Variants in CD8B2 observed in about 807,000 individuals in gnomAD.
The protein encoded by CD8B2 is CD8B family member 2.
A neutral mutation model predicts 23.7 loss-of-function variants in CD8B2; 11 were observed. The observed-to-expected ratio is 0.46, with a 90% confidence interval of 0.29 to 0.77. The LOEUF is 0.77. CD8B2 is among the 30% of genes least tolerant of loss of function. The pLI is 0.09. For synonymous variants in CD8B2, 90 were observed against 109.3 expected, an observed-to-expected ratio of 0.82 and a Z score of 1.10; for missense variants, 197 against 270.5, an observed-to-expected ratio of 0.73 and a Z score of 1.91.
chr2:106,516,009 T>C (rs1456631742), downstream of CD8B2, among the ~76,000 whole-genome samples: 1 of 152,036 alleles, frequency 6.6e-6, no homozygotes, highest in Non-Finnish European at 1.5e-5. Context: ...TTTGTATTTT[T>C]GGTAGAGTCG....
At chr2:106,523,106 G>C (rs914998120) in intron 5 of CD8B2, among the ~76,000 whole-genome samples, 11 of 152,172 alleles carry the variant, frequency 7.2e-5, no homozygotes, top group Non-Finnish European at 1.5e-4. Context: ...CTCAAGGTGA[G>C]CTCAAATATG....
chr2:106,531,150 C>T (rs1294087928), intron 5 of CD8B2, among the ~76,000 whole-genome samples: 7 of 152,176 alleles, frequency 4.6e-5, no homozygotes, highest in Non-Finnish European at 7.3e-5. Context: ...AATCAGGACC[C>T]CTTTCCTGTA....
At chr2:106,534,830 T>TTTGC (rs932345502) in intron 5 of CD8B2, among the ~76,000 whole-genome samples, 1 of 151,768 alleles carries the variant, frequency 6.6e-6, no homozygotes, top group African/African-American at 2.4e-5. Flanking sequence ...CTAATGTTTG[T>TTTGC]TTGTTTGAAA....
rs376225504 is a variant in CD8B2 at position 106,537,138 on chromosome 2, G to A, written c.621-6854G>A. ...GATGTGGGAGAGGAAGACAGGACAT[G>A]TGAATATGGTGCTAACCAGGCCTCA... On this transcript the variant is annotated intron_variant, in intron 5 of 5. Transcript: ENST00000416057. Among the ~76,000 whole-genome samples the A allele has an allele frequency of 2.6e-5, 4 of 152,312 alleles. No individual in the cohort carries two copies. In the South Asian group the frequency reaches 8.3e-4, roughly 32 times the overall value.
chr2:106,523,814 G>C (rs186953377), intron 5 of CD8B2, among the ~76,000 whole-genome samples: 1 of 152,258 alleles, frequency 6.6e-6, no homozygotes, highest in Non-Finnish European at 1.5e-5. Context: ...AGCTGCAAGG[G>C]GGAAGGAATG....
chr2:106,540,436 G>T (rs1197035272), intron 5 of CD8B2, among the ~76,000 whole-genome samples: 3 of 152,174 alleles, frequency 2.0e-5, no homozygotes, highest in Non-Finnish European at 4.4e-5. Flanking sequence ...GAAGTCAACT[G>T]GCAGTACCAC....
At chr2:106,526,107 C>T (rs546830575) in intron 5 of CD8B2, among the ~76,000 whole-genome samples, 25 of 152,106 alleles carry the variant, frequency 1.6e-4, no homozygotes, top group African/African-American at 4.1e-4. Context: ...CCACGTGTGG[C>T]GGCATGCATC....
At chr2:106,506,064 G>A (rs1320452530) in intron 5 of CD8B2, among the ~76,000 whole-genome samples, 2 of 152,108 alleles carry the variant, frequency 1.3e-5, no homozygotes, top group Non-Finnish European at 2.9e-5. Flanking sequence ...GAACCCCGGA[G>A]GCAGAGGTTG....
intron 2 of CD8B2, among the ~76,000 whole-genome samples, chr2:106,494,020 G>A (rs1209972394): frequency 6.6e-6 from 1 of 152,154 alleles, no homozygotes; most frequent in Admixed American, 6.6e-5. Flanking sequence ...CAAACAGATC[G>A]TGTTCTCTCC....
At chr2:106,543,450 G>T (rs1680208086) in intron 5 of CD8B2, among the ~76,000 whole-genome samples, 1 of 152,170 alleles carries the variant, frequency 6.6e-6, no homozygotes, top group South Asian at 2.1e-4. Flanking sequence ...AGGATTGCTT[G>T]AACCCGGAAG....
rs1303236783 is a variant in CD8B2, at chr2:106,491,030, A to G, written c.200A>G (p.His67Arg). 5 of 1,613,856 alleles carry G rather than the reference A, an allele frequency of 3.1e-6. No homozygotes were observed. In the African/African-American group the frequency reaches 6.7e-5, roughly 22 times the overall value. Reference protein sequence around the residue: ...QRQAPSSDSHHEFLTLWDSAK... With the variant: ...QRQAPSSDSHREFLTLWDSAK... ...CAGGCCCCGAGCAGTGATAGTCACC[A>G]CGAGTTCCTGACCCTCTGGGATTCC... The change falls in exon 2 of 6, where the codon CAC becomes CGC. Residue 67 changes from histidine to arginine, a missense_variant. His to Arg is a conservative substitution (Grantham distance 29). This residue lies in a region of CD8B2 where 140 missense variants were observed against 164.2 expected (regional missense o/e 0.85). Transcript: ENST00000643224.
intron 3 of CD8B2, among the ~76,000 whole-genome samples, chr2:106,498,152 C>CT (rs59508147): frequency 0.26 from 37,503 of 145,356 alleles, 4,970 homozygotes; most frequent in African/African-American, 0.3. Flanking sequence ...TTCTTTCTTT[C>CT]TTTTTTTTTT....
At chr2:106,500,971 T>G (rs1679394093) in intron 3 of CD8B2, among the ~76,000 whole-genome samples, 1 of 152,224 alleles carries the variant, frequency 6.6e-6, no homozygotes, top group Non-Finnish European at 1.5e-5. Flanking sequence ...CCCACTTGAC[T>G]GGCAAAAACT....
chr2:106,498,552 C>T (rs1679342824), intron 3 of CD8B2, among the ~76,000 whole-genome samples: 1 of 152,084 alleles, frequency 6.6e-6, no homozygotes, highest in South Asian at 2.1e-4. Flanking sequence ...TGAAGGTGAC[C>T]TAGTGGAGTA....
At position 106,487,487 on chromosome 2, in the gene CD8B2, G is replaced by A; in HGVS notation, c.43+18G>A. 8.1e-7 allele frequency: 1 copy of A among 1,238,898 alleles called. No homozygotes were observed. Among genetic ancestry groups the A allele is most frequent in the South Asian group, 3.7e-5 (1 of 27,232 alleles). 76.7% of individuals were successfully genotyped at this position (1,238,898 alleles called of 1,614,324 possible). A position where few individuals can be genotyped will look rare whatever the true frequency, so the allele number is the denominator to read the frequency against. On this transcript the variant is annotated intron_variant, in intron 1 of 5. Transcript: ENST00000643224. ...GCTGACAGGTAAGGCGGCGGCGCGCGGGCTGCCCAAGGTCTGCGCTCCCGG... is the reference window on the plus strand; with the variant it reads ...GCTGACAGGTAAGGCGGCGGCGCGCAGGCTGCCCAAGGTCTGCGCTCCCGG...
At chr2:106,538,332 A>T (rs1680121071) in intron 5 of CD8B2, among the ~76,000 whole-genome samples, 1 of 152,232 alleles carries the variant, frequency 6.6e-6, no homozygotes, top group Admixed American at 6.5e-5. Context: ...CTATGTATAC[A>T]TGAAGAATAT....
At chr2:106,528,404 G>A (rs1679945014) in intron 5 of CD8B2, among the ~76,000 whole-genome samples, 1 of 151,988 alleles carries the variant, frequency 6.6e-6, no homozygotes, top group African/African-American at 2.4e-5. Flanking sequence ...AACTCATACA[G>A]TTAGTTCTAT....
chr2:106,490,905 C>A lies in CD8B2; in HGVS notation c.75C>A (p.Thr25=). 1.3e-6 allele frequency: 2 copies of A among 1,599,056 alleles called. No homozygotes were observed. The highest frequency in any genetic ancestry group is 1.1e-5 in the South Asian group (1 of 87,292). Residue 25 remains threonine (T), a synonymous_variant, in exon 2 of 6, where the codon ACC becomes ACA. Transcript: ENST00000643224. The part of the protein sequence containing the change: ...VLHGNSVLQQ[T]PAYIKVQTNK... ...ATGGCAACTCAGTCCTCCAGCAGAC[C>A]CCTGCATACATAAAGGTGCAAACCA...
intron 5 of CD8B2, among the ~76,000 whole-genome samples, chr2:106,504,536 T>C (rs945650561): frequency 1.4e-4 from 21 of 151,912 alleles, no homozygotes. Flanking sequence ...CAGTGAGCTA[T>C]GATGGTACCA....
Sources: gnomAD v4.1 joint callset for allele counts (sites outside exome capture counted in the v4.1 genomes callset) on GRCh38, gnomAD v4.1.1 for gene constraint, gnomAD v4.1.1 regional missense constraint, MANE v1.5 for transcripts, NCBI Gene and HGNC (gene_info 2026-07-23, HGNC 2026-07-21) for gene names.